The following UNC5C variants were observed in gnomAD, a reference collection of about 807,000 sequenced individuals.
UNC5C encodes the protein unc-5 netrin receptor C.
A neutral mutation model predicts 99.8 loss-of-function variants in UNC5C; 47 were observed. The ratio of observed to expected loss-of-function variants is 0.47; its 90% CI spans 0.37 to 0.60. The LOEUF is 0.60. UNC5C is among the 20% of genes least tolerant of loss of function. The pLI, the probability that UNC5C is intolerant of heterozygous loss-of-function variation, is 0.00. For missense variants in UNC5C, 1,062 were observed against 1,165.9 expected, an observed-to-expected ratio of 0.91 and a Z score of 1.30; for synonymous variants, 487 against 452.2, an observed-to-expected ratio of 1.08 and a Z score of -0.98.
intron 1 of UNC5C, among the ~76,000 whole-genome samples, chr4:95,399,373 C>T (rs981260093): frequency 2.0e-5 from 3 of 152,216 alleles, no homozygotes; most frequent in African/African-American, 7.2e-5. Context: ...GGCAAGAACC[C>T]TTTCAAGTTA....
At chr4:95,361,306 A>G (rs911385310) in intron 1 of UNC5C, among the ~76,000 whole-genome samples, 1 of 152,162 alleles carries the variant, frequency 6.6e-6, no homozygotes, top group African/African-American at 2.4e-5. Context: ...CTTCAAATCT[A>G]CTTAAATAAG....
At chr4:95,238,708 TTC>T (rs966503716) in intron 7 of UNC5C, among the ~76,000 whole-genome samples, 2 of 152,226 alleles carry the variant, frequency 1.3e-5, no homozygotes, top group South Asian at 2.1e-4. Flanking sequence ...ATTAGTTTTA[TTC>T]TCTCTTTTAC....
chr4:95,402,089 T>A (rs955004730), intron 1 of UNC5C, among the ~76,000 whole-genome samples: 11 of 152,236 alleles, frequency 7.2e-5, no homozygotes, highest in African/African-American at 2.4e-4. Context: ...GATGTATCAT[T>A]TGTAGTTTTA....
At chr4:95,374,816 A>G (rs1744845719) in intron 1 of UNC5C, among the ~76,000 whole-genome samples, 1 of 152,190 alleles carries the variant, frequency 6.6e-6, no homozygotes. Flanking sequence ...GCAGAAAAGT[A>G]TGGAAATCAA....
At chr4:95,468,011 G>A (rs906913453) in intron 1 of UNC5C, among the ~76,000 whole-genome samples, 1 of 152,100 alleles carries the variant, frequency 6.6e-6, no homozygotes, top group African/African-American at 2.4e-5. Flanking sequence ...ATGAGGAGGG[G>A]TTGGTCTTGT....
chr4:95,522,137 C>T (rs1180830232), intron 1 of UNC5C, among the ~76,000 whole-genome samples: 1 of 151,888 alleles, frequency 6.6e-6, no homozygotes, highest in Non-Finnish European at 1.5e-5. Flanking sequence ...TGACAAAAGA[C>T]ATTATTTAAA....
chr4:95,227,064 C>T (rs1348815951), intron 7 of UNC5C, among the ~76,000 whole-genome samples: 1 of 152,038 alleles, frequency 6.6e-6, no homozygotes, highest in Non-Finnish European at 1.5e-5. Flanking sequence ...ACAGTGTGGC[C>T]TCAGCAACTG....
chr4:95,469,679 C>T (rs1191101828), intron 1 of UNC5C, among the ~76,000 whole-genome samples: 1 of 152,080 alleles, frequency 6.6e-6, no homozygotes, highest in African/African-American at 2.4e-5. Context: ...TGCAAGTCAA[C>T]TATTCCTTGT....
At chr4:95,256,769 C>A (rs971725725) in intron 4 of UNC5C, among the ~76,000 whole-genome samples, 1 of 142,744 alleles carries the variant, frequency 7.0e-6, no homozygotes, top group East Asian at 2.3e-4. Context: ...CCACGATAGG[C>A]CTTCTGCAAG....
At chr4:95,207,134 T>A (rs567575246) in intron 10 of UNC5C, among the ~76,000 whole-genome samples, 2 of 152,146 alleles carry the variant, frequency 1.3e-5, no homozygotes, top group African/African-American at 4.8e-5. Flanking sequence ...AGAGTCCCTA[T>A]GAAGTTACAT....
At chr4:95,470,455 TACA>T (rs1747933805) in intron 1 of UNC5C, among the ~76,000 whole-genome samples, 1 of 152,034 alleles carries the variant, frequency 6.6e-6, no homozygotes, top group Non-Finnish European at 1.5e-5. Context: ...ACCATGAGTA[TACA>T]ACATCTGGGA....
At chr4:95,480,681 C>T (rs1560849853) in intron 1 of UNC5C, among the ~76,000 whole-genome samples, 2 of 152,008 alleles carry the variant, frequency 1.3e-5, no homozygotes, top group African/African-American at 2.4e-5. Flanking sequence ...GGCTTCATCC[C>T]TGGGATGCAA....
chr4:95,387,947 T>C (rs958942009), intron 1 of UNC5C, among the ~76,000 whole-genome samples: 3 of 152,202 alleles, frequency 2.0e-5, no homozygotes, highest in East Asian at 1.9e-4. Context: ...GTTCAAGAGA[T>C]GGATGGTTCT....
At chr4:95,459,006 C>G (rs536230267) in intron 1 of UNC5C, among the ~76,000 whole-genome samples, 1 of 152,060 alleles carries the variant, frequency 6.6e-6, no homozygotes, top group Non-Finnish European at 1.5e-5. Flanking sequence ...AAATTCTGAA[C>G]TAGGTATATG....
At chr4:95,252,297 C>A (rs766423853) in intron 4 of UNC5C, among the ~76,000 whole-genome samples, 22 of 152,138 alleles carry the variant, frequency 1.4e-4, no homozygotes, top group Non-Finnish European at 2.6e-4. Context: ...TATCTATGCC[C>A]TTCTAAAGAA....
chr4:95,194,695 C>A (rs954685166), intron 12 of UNC5C, among the ~76,000 whole-genome samples: 1 of 152,178 alleles, frequency 6.6e-6, no homozygotes, highest in Non-Finnish European at 1.5e-5. Flanking sequence ...ACTGGACTCA[C>A]CCAGATGGTC....
chr4:95,171,006 T>G (rs909157422), intron 14 of UNC5C, among the ~76,000 whole-genome samples: 2 of 152,230 alleles, frequency 1.3e-5, no homozygotes, highest in African/African-American at 4.8e-5. Flanking sequence ...AATCTAATTT[T>G]AGTAGAGAAA....
intron 1 of UNC5C, among the ~76,000 whole-genome samples, chr4:95,426,874 A>G (rs2149458757): frequency 6.6e-6 from 1 of 152,374 alleles, no homozygotes; most frequent in East Asian, 1.9e-4. Flanking sequence ...TCATAACTTA[A>G]AAGTGCAAGG....
chr4:95,176,692 T>C (rs1437004502), intron 14 of UNC5C, among the ~76,000 whole-genome samples: 1 of 152,202 alleles, frequency 6.6e-6, no homozygotes, highest in Non-Finnish European at 1.5e-5. Flanking sequence ...CTGCTGTCTT[T>C]TTGTTTGTCT....
Sources: allele counts gnomAD v4.1 joint callset (sites outside exome capture counted in the v4.1 genomes callset), GRCh38; gene constraint gnomAD v4.1.1; transcripts MANE v1.5; gene names NCBI Gene and HGNC (gene_info 2026-07-23, HGNC 2026-07-21).